The following TMEM106B variants were observed in gnomAD, a reference collection of about 807,000 sequenced individuals.
TMEM106B encodes the protein transmembrane protein 106B.
A neutral mutation model predicts 31.1 loss-of-function variants in TMEM106B; 15 were observed. The ratio of observed to expected loss-of-function variants is 0.48; its 90% CI spans 0.32 to 0.74. TMEM106B has a LOEUF of 0.74. Ranked by LOEUF, TMEM106B falls within the 30% of genes least tolerant of loss-of-function variation. The pLI, the probability that TMEM106B is intolerant of heterozygous loss-of-function variation, is 0.03. For synonymous variants in TMEM106B, 126 were observed against 112.5 expected, an observed-to-expected ratio of 1.12 and a Z score of -0.76; for missense variants, 283 against 327.3, an observed-to-expected ratio of 0.86 and a Z score of 1.04.
intron 3 of TMEM106B, 88 bp from the exon 4 acceptor site, chr7:12,224,138 T>A: frequency 8.2e-7 from 1 of 1,217,660 alleles, no homozygotes; most frequent in Non-Finnish European, 1.2e-6. Context: ...GCTGCTGATA[T>A]ATGGGGGAAA....
intron 2 of TMEM106B, among the ~76,000 whole-genome samples, chr7:12,216,061 T>C (rs1781681313): frequency 6.6e-6 from 1 of 152,306 alleles, no homozygotes; most frequent in African/African-American, 2.4e-5. Context: ...ATGCTTAAAA[T>C]GTATCTTAAA....
intron 4 of TMEM106B, among the ~76,000 whole-genome samples, chr7:12,226,342 G>T (rs998318856): frequency 6.6e-6 from 1 of 152,050 alleles, no homozygotes; most frequent in African/African-American, 2.4e-5. Context: ...TGTTTCTTAG[G>T]ACATTGTTTT....
rs1427032559 is a variant in TMEM106B at position 12,234,315 on chromosome 7, T to A, written c.*2340T>A. Reference sequence around the variant, plus strand: ...GAATCTTTTTTCTTCATCTTTTGAATTAATTTTTTTTATTATATCTACTTT... The same window carrying A: ...GAATCTTTTTTCTTCATCTTTTGAAATAATTTTTTTTATTATATCTACTTT... On this transcript the variant is annotated 3_prime_UTR_variant, in exon 8 of 8. Transcript: ENST00000396668. 1 of 151,850 alleles carries A rather than the reference T, an allele frequency of 6.6e-6. No homozygotes were observed. Among genetic ancestry groups the A allele is most frequent in the East Asian group, 1.9e-4 (1 of 5,192 alleles). 9.4% of individuals were successfully genotyped at this position (151,850 alleles called of 1,614,324 possible). A position where few individuals can be genotyped will look rare whatever the true frequency, so the allele number is the denominator to read the frequency against.
intron 3 of TMEM106B, among the ~76,000 whole-genome samples, chr7:12,221,300 A>T (rs561753794): frequency 1.3e-5 from 2 of 152,338 alleles, no homozygotes; most frequent in African/African-American, 4.8e-5. Context: ...GTTGTGTTCC[A>T]AATGGCAAAG....
chr7:12,224,642 AG>A (rs1230451479), intron 4 of TMEM106B, among the ~76,000 whole-genome samples: 2 of 152,030 alleles, frequency 1.3e-5, no homozygotes, highest in African/African-American at 2.4e-5. Flanking sequence ...AACTAAAAAA[AG>A]AAAAAAGGTA....
At chr7:12,228,664 A>G (rs1781953084) in intron 4 of TMEM106B, among the ~76,000 whole-genome samples, 1 of 152,000 alleles carries the variant, frequency 6.6e-6, no homozygotes, top group Non-Finnish European at 1.5e-5. Context: ...ACATAATTCT[A>G]ATTTTAATGT....
chr7:12,229,115 TTTTA>T (rs1436896420), intron 4 of TMEM106B, among the ~76,000 whole-genome samples: 5 of 152,154 alleles, frequency 3.3e-5, no homozygotes, highest in African/African-American at 9.6e-5. Context: ...ATCTGTTATT[TTTTA>T]TTTAACATTT....
At chr7:12,216,405 A>C (rs563410838) in intron 2 of TMEM106B, among the ~76,000 whole-genome samples, 1 of 152,088 alleles carries the variant, frequency 6.6e-6, no homozygotes, top group Non-Finnish European at 1.5e-5. Flanking sequence ...ATTTGAGTGT[A>C]TATGTCACAG....
Position 12,238,277 on chromosome 7 carries a change from G to C in TMEM106B, c.*6302G>C, listed in dbSNP as rs925110946. On this transcript the variant is annotated 3_prime_UTR_variant, in exon 8 of 8. Coordinates refer to ENST00000396668, the MANE Select transcript of TMEM106B (RefSeq NM_001134232.2). ...ATTCATAAGAAACAATTCCTCATCT[G>C]TTCAAGTTTTGGCATCAAGTTGTAG... The C allele has an allele frequency of 6.4e-6, 1 of 156,366 alleles. No homozygotes were observed. The highest frequency in any genetic ancestry group is 2.4e-5 in the African/African-American group (1 of 41,516). 9.7% of individuals were successfully genotyped at this position (156,366 alleles called of 1,614,324 possible).
At chr7:12,230,160 G>A (rs902685415) in intron 5 of TMEM106B, among the ~76,000 whole-genome samples, 1 of 151,958 alleles carries the variant, frequency 6.6e-6, no homozygotes, top group Non-Finnish European at 1.5e-5. Flanking sequence ...CGAGGCTCGC[G>A]AGCCGTGATC....
At chr7:12,221,104 G>C (rs1781776821) in intron 3 of TMEM106B, among the ~76,000 whole-genome samples, 1 of 151,968 alleles carries the variant, frequency 6.6e-6, no homozygotes. Context: ...GTGTGTGTGT[G>C]TGTGTGTCTG....
chr7:12,221,949 C>G (rs1583453208), intron 3 of TMEM106B, among the ~76,000 whole-genome samples: 1 of 152,172 alleles, frequency 6.6e-6, no homozygotes, highest in African/African-American at 2.4e-5. Flanking sequence ...AGGCCAAGAA[C>G]AGTTGTTGTT....
chr7:12,226,701 T>A (rs1259847474), intron 4 of TMEM106B, among the ~76,000 whole-genome samples: 1 of 149,508 alleles, frequency 6.7e-6, no homozygotes, highest in African/African-American at 2.5e-5. Context: ...AGAGAAAAAA[T>A]GGATCCCGTG....
intron 4 of TMEM106B, among the ~76,000 whole-genome samples, chr7:12,225,582 T>C (rs1329376243): frequency 6.6e-6 from 1 of 152,094 alleles, no homozygotes; most frequent in East Asian, 1.9e-4. Flanking sequence ...TGAGATGATA[T>C]CTCATTGTGG....
In TMEM106B at chr7:12,234,407, A is replaced by T. The variant is rs536940410; in HGVS notation, c.*2432A>T. 3.3e-5 allele frequency: 5 copies of T among 151,996 alleles called. No homozygotes were observed. In the South Asian group the frequency reaches 1.0e-3, roughly 31 times the overall value. The allele number at this position is 151,996 out of a possible 1,614,324, so 9.4% of individuals were successfully genotyped here. A position where few individuals can be genotyped will look rare whatever the true frequency, so the allele number is the denominator to read the frequency against. On this transcript the variant is annotated 3_prime_UTR_variant, in exon 8 of 8. Coordinates refer to ENST00000396668, the MANE Select transcript of TMEM106B (RefSeq NM_001134232.2). Reference sequence around the variant, plus strand: ...GTAAAAAGATAGAAGAGAAATAAAGATGGTATGTGACTACTTTCAGAGAGA... The same window carrying T: ...GTAAAAAGATAGAAGAGAAATAAAGTTGGTATGTGACTACTTTCAGAGAGA...
intron 3 of TMEM106B, among the ~76,000 whole-genome samples, chr7:12,223,608 C>T (rs1435543): frequency 0.64 from 96,656 of 151,808 alleles, 31,835 homozygotes; most frequent in African/African-American, 0.82. Flanking sequence ...TTGAAATGTG[C>T]GTTTGTATGA....
chr7:12,219,597 A>G (rs539669418), intron 3 of TMEM106B, among the ~76,000 whole-genome samples: 1 of 152,326 alleles, frequency 6.6e-6, no homozygotes, highest in East Asian at 1.9e-4. Context: ...ACAGGACAGC[A>G]TAAGGCAGAA....
chr7:12,231,723 C>G (rs765019409), intron 7 of TMEM106B, 114 bp from the exon 8 acceptor site: 27 of 855,692 alleles, frequency 3.2e-5, no homozygotes, highest in Non-Finnish European at 3.5e-5. Context: ...ATTAAGTTAT[C>G]ATTAATCAAA....
At chr7:12,216,947 T>C (rs142868849) in intron 2 of TMEM106B, among the ~76,000 whole-genome samples, 130 of 151,892 alleles carry the variant, frequency 8.6e-4, no homozygotes, top group African/African-American at 3.0e-3. Flanking sequence ...AGAGAGAAAA[T>C]AGATTTTCTG....
Sources: allele counts gnomAD v4.1 joint callset (sites outside exome capture counted in the v4.1 genomes callset), GRCh38; gene constraint gnomAD v4.1.1; transcripts MANE v1.5; gene names NCBI Gene and HGNC (gene_info 2026-07-23, HGNC 2026-07-21).